The following ROBO1 variants were observed in gnomAD, a reference collection of about 807,000 sequenced individuals.
The protein encoded by ROBO1 is roundabout guidance receptor 1.
A neutral mutation model predicts 195.9 loss-of-function variants in ROBO1; 149 were observed. The ratio of observed to expected loss-of-function variants is 0.76; its 90% confidence interval spans 0.67 to 0.87. ROBO1 has a LOEUF of 0.87. Ranked by LOEUF, ROBO1 falls within the 40% of genes least tolerant of loss-of-function variation. ROBO1 has a pLI of 0.00. For missense variants in ROBO1, 1,933 were observed against 2,068.3 expected, an observed-to-expected ratio of 0.93 and a Z score of 1.27; for synonymous variants, 816 against 733.2, an observed-to-expected ratio of 1.11 and a Z score of -1.82.
At chr3:79,376,021 A>T (rs2036369894) in intron 2 of ROBO1, among the ~76,000 whole-genome samples, 2 of 152,200 alleles carry the variant, frequency 1.3e-5, no homozygotes, top group Non-Finnish European at 2.9e-5. Context: ...GGTAGTCAGT[A>T]TCTACATTGT....
At chr3:78,711,385 TCCTTCCTTC>T (rs2081718870) in intron 8 of ROBO1, among the ~76,000 whole-genome samples, 1 of 44,312 alleles carries the variant, frequency 2.3e-5, no homozygotes, top group African/African-American at 1.0e-4. Context: ...CTTCCTTCCT[TCCTTCCTTC>T]CTTCCTTTCT....
chr3:78,828,410 C>A (rs1274745282), intron 4 of ROBO1, among the ~76,000 whole-genome samples: 1 of 152,110 alleles, frequency 6.6e-6, no homozygotes, highest in East Asian at 1.9e-4. Context: ...TTGCTGTAGT[C>A]TTCATTTGAA....
intron 1 of ROBO1, among the ~76,000 whole-genome samples, chr3:79,757,697 A>G (rs569585945): frequency 3.3e-5 from 5 of 152,242 alleles, no homozygotes; most frequent in African/African-American, 1.2e-4. Context: ...AACTATAATA[A>G]TAATAGTCAC....
intron 1 of ROBO1, among the ~76,000 whole-genome samples, chr3:79,691,076 A>C (rs1947284407): frequency 6.6e-6 from 1 of 151,978 alleles, no homozygotes; most frequent in South Asian, 2.1e-4. Context: ...GCCAGTAAGA[A>C]TCAAGTGCAG....
intron 1 of ROBO1, among the ~76,000 whole-genome samples, chr3:79,755,180 C>T (rs1704321152): frequency 6.6e-6 from 1 of 152,086 alleles, no homozygotes; most frequent in African/African-American, 2.4e-5. Context: ...GTTCCAGGCC[C>T]TGATATCACT....
intron 2 of ROBO1, among the ~76,000 whole-genome samples, chr3:79,414,003 G>C (rs78006113): frequency 6.6e-6 from 1 of 151,890 alleles, no homozygotes; most frequent in East Asian, 1.9e-4. Flanking sequence ...CCAGTCTGTC[G>C]ACCTTTTTAT....
chr3:78,767,720 T>G lies in ROBO1; in HGVS notation c.500-20820A>C, dbSNP rs536893741. On this transcript the variant is annotated intron_variant, in intron 4 of 30. Transcript: ENST00000464233. The stretch of plus-strand genomic sequence containing the variant: ...TTCTAGTTTATGTGTGGAAAGGTGT[T>G]CATAGTAACCTCAAATGATCTTTTG... 2.0e-5 allele frequency among the ~76,000 whole-genome samples: 3 copies of G among 152,338 alleles called. No homozygotes were observed. In the South Asian group the frequency reaches 6.2e-4, roughly 32 times the overall value.
chr3:78,646,248 C>G (rs1575834201), intron 20 of ROBO1, 58 bp from the exon 21 acceptor site: 20 of 1,471,790 alleles, frequency 1.4e-5, no homozygotes, highest in Non-Finnish European at 1.9e-5. Flanking sequence ...ATATCAAAAG[C>G]TATTACATTC....
intron 2 of ROBO1, among the ~76,000 whole-genome samples, chr3:79,141,335 T>C (rs1394596951): frequency 2.2e-4 from 34 of 152,196 alleles, no homozygotes. Context: ...AAATTTCCTC[T>C]ATCGTCTCCT....
At chr3:79,124,646 C>T (rs1423270098) in intron 3 of ROBO1, among the ~76,000 whole-genome samples, 2 of 152,084 alleles carry the variant, frequency 1.3e-5, no homozygotes, top group African/African-American at 4.8e-5. Context: ...TTAACAAGGA[C>T]CAATGAAGAG....
intron 29 of ROBO1, among the ~76,000 whole-genome samples, chr3:78,605,015 C>T (rs772684893): frequency 6.6e-5 from 10 of 152,186 alleles, no homozygotes; most frequent in Non-Finnish European, 1.5e-4. Flanking sequence ...TCATCCCAAA[C>T]TTCCAGAAAG....
chr3:79,201,941 T>C (rs2081773317), intron 2 of ROBO1, among the ~76,000 whole-genome samples: 1 of 150,728 alleles, frequency 6.6e-6, no homozygotes, highest in Non-Finnish European at 1.5e-5. Context: ...TATATAATAA[T>C]TGTGAAACTT....
At chr3:79,041,072 C>T (rs956096090) in intron 3 of ROBO1, among the ~76,000 whole-genome samples, 72 of 152,234 alleles carry the variant, frequency 4.7e-4, no homozygotes, top group Admixed American at 5.9e-4. Flanking sequence ...CTTATGGCTT[C>T]TCTCGCAATT....
chr3:78,608,250 T>C (rs997269237), intron 28 of ROBO1, among the ~76,000 whole-genome samples: 1 of 151,780 alleles, frequency 6.6e-6, no homozygotes, highest in Non-Finnish European at 1.5e-5. Flanking sequence ...AAACTGGGAC[T>C]ACATGCCACC....
intron 5 of ROBO1, among the ~76,000 whole-genome samples, chr3:78,718,821 AGGGAGAGAGGGAGAGAGGGAGGG>A (rs1372104332): frequency 9.8e-5 from 11 of 111,780 alleles, no homozygotes; most frequent in African/African-American, 1.4e-4. Flanking sequence ...GGAGGGAGAG[AGGGAGAGAGGGAGAGAGGGAGGG>A]AGGGAGAGAG....
chr3:79,086,532 A>G (rs926755999), intron 3 of ROBO1, among the ~76,000 whole-genome samples: 1 of 152,284 alleles, frequency 6.6e-6, no homozygotes, highest in Middle Eastern at 3.4e-3. Context: ...CACATTATCT[A>G]TAAGAATACC....
At chr3:79,199,525 T>C (rs1485245660) in intron 2 of ROBO1, among the ~76,000 whole-genome samples, 2 of 151,804 alleles carry the variant, frequency 1.3e-5, no homozygotes, top group African/African-American at 4.8e-5. Flanking sequence ...GTGTTCCTGA[T>C]GATTTATCTT....
chr3:79,652,200 T>C (rs992357932), intron 1 of ROBO1, among the ~76,000 whole-genome samples: 1 of 152,140 alleles, frequency 6.6e-6, no homozygotes, highest in African/African-American at 2.4e-5. Context: ...CTTGGTGAGA[T>C]TCTCCAGGGG....
Position 79,269,103 on chromosome 3 carries a change from T to C in ROBO1, c.89-143564A>G, listed in dbSNP as rs186149577. Reference sequence around the variant, plus strand: ...TTTTTTTCTAACTAGATAGAGCAAATGTGGTGCAGAGACTGACATATAGAA... The same window carrying C: ...TTTTTTTCTAACTAGATAGAGCAAACGTGGTGCAGAGACTGACATATAGAA... On this transcript the variant is annotated intron_variant, in intron 2 of 30. Transcript: ENST00000464233. Among the ~76,000 whole-genome samples, 474 of 151,584 alleles carry C rather than the reference T, an allele frequency of 3.1e-3. 1 individual carries two copies. Among genetic ancestry groups the C allele is most frequent in the Middle Eastern group, 0.01 (3 of 294 alleles).
Sources: gnomAD v4.1 joint callset for allele counts (sites outside exome capture counted in the v4.1 genomes callset) on GRCh38, gnomAD v4.1.1 for gene constraint, MANE v1.5 for transcripts, NCBI Gene and HGNC (gene_info 2026-07-23, HGNC 2026-07-21) for gene names.